The following RAB11FIP3 variants were observed in gnomAD, a reference collection of about 807,000 sequenced individuals.
RAB11FIP3 encodes the protein RAB11 family interacting protein 3, also known as rab11 family-interacting protein 3.
A neutral mutation model predicts 77.8 loss-of-function variants in RAB11FIP3; 17 were observed. That is an observed-to-expected ratio of 0.22 (90% CI 0.15 to 0.33). RAB11FIP3 has a LOEUF of 0.33. RAB11FIP3 is among the 10% of genes least tolerant of loss of function. The pLI, the probability that RAB11FIP3 is intolerant of heterozygous loss-of-function variation, is 1.00. For missense variants in RAB11FIP3, 1,005 were observed against 1,011.2 expected (o/e 0.99, Z 0.08); for synonymous variants, 437 against 448.2 (o/e 0.98, Z 0.31).
intron 1 of RAB11FIP3, among the ~76,000 whole-genome samples, chr16:445,596 A>T (rs968855252): frequency 6.6e-6 from 1 of 151,896 alleles, no homozygotes; most frequent in Non-Finnish European, 1.5e-5. Context: ...GTATGGGGGG[A>T]TGAGAATCTG....
intron 1 of RAB11FIP3, among the ~76,000 whole-genome samples, chr16:460,603 G>T (rs1186070985): frequency 1.3e-5 from 2 of 152,042 alleles, no homozygotes; most frequent in African/African-American, 4.8e-5. Context: ...TATGATTTTT[G>T]ATATCAAGGG....
At chr16:456,468 A>G (rs1031314292) in intron 1 of RAB11FIP3, among the ~76,000 whole-genome samples, 2 of 148,888 alleles carry the variant, frequency 1.3e-5, no homozygotes, top group Non-Finnish European at 3.0e-5. Flanking sequence ...AGAAAAAGAA[A>G]AACAAGGCTG....
rs1465727479 is a variant in RAB11FIP3 at position 521,108 on chromosome 16, C to T, written c.*269C>T. The T allele has an allele frequency of 3.7e-6, 2 of 534,376 alleles. No individual in the cohort carries two copies. The highest frequency in any genetic ancestry group is 3.1e-5 in the Admixed American group (1 of 31,856). The allele number at this position is 534,376 out of a possible 1,614,324, so 33.1% of individuals were successfully genotyped here. On this transcript the variant is annotated 3_prime_UTR_variant, in exon 14 of 14. Transcript: ENST00000262305. ...GGCAGGGCCGTCCATCAGCGCTGAC[C>T]TTCCGGGGGCCCAGAGCTTCCCAGC...
At chr16:448,869 C>T (rs775598597) in intron 1 of RAB11FIP3, among the ~76,000 whole-genome samples, 4 of 151,216 alleles carry the variant, frequency 2.6e-5, no homozygotes, top group Non-Finnish European at 4.4e-5. Context: ...GAGCCAAGAT[C>T]GCACCACTGC....
intron 12 of RAB11FIP3, 37 bp from the exon 13 acceptor site, chr16:520,422 G>A: frequency 6.2e-7 from 1 of 1,608,690 alleles, no homozygotes; most frequent in East Asian, 2.2e-5. Context: ...CCACCAGCAG[G>A]GGCCACAGCC....
intron 1 of RAB11FIP3, among the ~76,000 whole-genome samples, chr16:440,897 C>T (rs989495421): frequency 2.6e-5 from 4 of 152,056 alleles, no homozygotes; most frequent in African/African-American, 9.7e-5. Context: ...CTTGCTCCTT[C>T]AGCCCTCCTC....
At chr16:475,256 G>C (rs186975483) in intron 3 of RAB11FIP3, among the ~76,000 whole-genome samples, 15 of 152,340 alleles carry the variant, frequency 9.8e-5, no homozygotes, top group African/African-American at 3.4e-4. Flanking sequence ...GTGATTTAGG[G>C]GACTTGTTAA....
rs1432557853 is a variant in RAB11FIP3, at chr16:428,818, CTT to C, written c.714+2100_714+2101del. On this transcript the variant is annotated intron_variant, in intron 1 of 13. Coordinates refer to ENST00000262305, the MANE Select transcript of RAB11FIP3 (RefSeq NM_014700.4). ...CCCTTAATGATCACAATGGGAAAAA[CTT>C]TGTGTTGCTATTTGGGGCTGAGCTT... Among the ~76,000 whole-genome samples the C allele has an allele frequency of 5.3e-5, 8 of 152,192 alleles. No homozygotes were observed. The East Asian group carries it at 1.5e-3, about 29-fold the overall frequency.
In RAB11FIP3 at chr16:425,970, C is replaced by T. The variant is rs1376711381; in HGVS notation, c.-37C>T. 4.9e-5 allele frequency: 37 copies of T among 752,600 alleles called. No homozygotes were observed. The highest frequency in any genetic ancestry group is 5.1e-5 in the Non-Finnish European group (35 of 685,760). 46.6% of individuals were successfully genotyped at this position (752,600 alleles called of 1,614,324 possible). Reference sequence around the variant, plus strand: ...CCGCGCCCTGAGCGCCTTTGTCTGCCGCCCGCGCCCTTCCGCACCACTAGC... The same window carrying T: ...CCGCGCCCTGAGCGCCTTTGTCTGCTGCCCGCGCCCTTCCGCACCACTAGC... On this transcript the variant is annotated 5_prime_UTR_variant, in exon 1 of 14. Coordinates refer to ENST00000262305, the MANE Select transcript of RAB11FIP3 (RefSeq NM_014700.4).
Position 519,779 on chromosome 16 carries a change from T to A in RAB11FIP3, c.1748T>A (p.Ile583Lys). Residue 583 changes from isoleucine to lysine, a missense_variant, in exon 11 of 14, where the codon ATA becomes AAA. This residue lies in a region of RAB11FIP3 where 433 missense variants were observed against 436.1 expected (regional missense o/e 0.99). Coordinates refer to ENST00000262305, the MANE Select transcript of RAB11FIP3 (RefSeq NM_014700.4). ...GAGAAGCAGAAGCTGTTGGATGAGATAGAGTCGCTGACGCTGCGGCTCAGT... is the reference window on the plus strand; with the variant it reads ...GAGAAGCAGAAGCTGTTGGATGAGAAAGAGTCGCTGACGCTGCGGCTCAGT... ...EEEKQKLLDE[I>K]ESLTLRLSEE... 2 of 1,612,578 alleles carry A rather than the reference T, an allele frequency of 1.2e-6. No individual in the cohort carries two copies. Among genetic ancestry groups the A allele is most frequent in the Non-Finnish European group, 1.7e-6 (2 of 1,179,642 alleles).
intron 1 of RAB11FIP3, among the ~76,000 whole-genome samples, chr16:452,025 T>C (rs2055416953): frequency 6.6e-6 from 1 of 152,092 alleles, no homozygotes; most frequent in Admixed American, 6.6e-5. Context: ...GGCAGGCGCC[T>C]GTAATCCCAG....
At position 461,519 on chromosome 16, in the gene RAB11FIP3, C is replaced by T. The variant is rs771354809; in HGVS notation, c.808+22C>T. ...GGAGGTCAGTCATCCCCGCCATGAGCTCCCACCTCCTCTCCCGTTCCTCAG... is the reference window on the plus strand; with the variant it reads ...GGAGGTCAGTCATCCCCGCCATGAGTTCCCACCTCCTCTCCCGTTCCTCAG... On this transcript the variant is annotated intron_variant, in intron 2 of 13. Transcript: ENST00000262305. This position sits in a 1 kb window ranked among gnomAD's most constrained non-coding sequence, Gnocchi z 4.5. 4.4e-6 allele frequency: 7 copies of T among 1,590,942 alleles called. 1 individual carries two copies. The South Asian group carries it at 4.4e-5, about 10-fold the overall frequency.
chr16:493,880 T>C lies in RAB11FIP3; in HGVS notation c.1266-2944T>C, dbSNP rs541730352. Among the ~76,000 whole-genome samples, 74 of 136,718 alleles carry C rather than the reference T, an allele frequency of 5.4e-4. 2 individuals carry two copies. In the South Asian group the frequency reaches 8.6e-3, roughly 16 times the overall value. 89.7% of individuals were successfully genotyped at this position (136,718 alleles called of 152,430 possible). A position where few individuals can be genotyped will look rare whatever the true frequency, so the allele number is the denominator to read the frequency against. ...GTGCTGGGATTACAGGCTGAGCCAC[T>C]GCACCCAGCCTGCCTGGAGGTATAT... On this transcript the variant is annotated intron_variant, in intron 5 of 13. Transcript: ENST00000262305.
Position 506,500 on chromosome 16 carries a change from C to T in RAB11FIP3, c.1499+873C>T, listed in dbSNP as rs2031881833. On this transcript the variant is annotated intron_variant, in intron 8 of 13. Coordinates refer to ENST00000262305, the MANE Select transcript of RAB11FIP3 (RefSeq NM_014700.4). The surrounding 1 kb of genome is among the most constrained non-coding windows in gnomAD (Gnocchi z 4.5). ...CACATATTCTCAGCTCGGCCAAGGG[C>T]CCTGTCCCTTGAAGCTTCAGTGTCT... Among the ~76,000 whole-genome samples, 1 of 152,136 alleles carries T rather than the reference C, an allele frequency of 6.6e-6. No individual in the cohort carries two copies. The highest frequency in any genetic ancestry group is 2.4e-5 in the African/African-American group (1 of 41,434).
At chr16:494,253 C>T (rs1016673938) in intron 5 of RAB11FIP3, among the ~76,000 whole-genome samples, 1 of 151,288 alleles carries the variant, frequency 6.6e-6, no homozygotes, top group African/African-American at 2.4e-5. Flanking sequence ...CCTGAAAGGT[C>T]AGTAGGTAAA....
At chr16:427,010 G>T (rs1382145797) in intron 1 of RAB11FIP3, among the ~76,000 whole-genome samples, 1 of 151,976 alleles carries the variant, frequency 6.6e-6, no homozygotes, top group African/African-American at 2.4e-5. Flanking sequence ...CTCGCCTGGG[G>T]ACACCCCCCC....
intron 1 of RAB11FIP3, among the ~76,000 whole-genome samples, chr16:451,234 C>T (rs946227893): frequency 3.2e-4 from 48 of 152,028 alleles, no homozygotes; most frequent in African/African-American, 1.0e-3. Flanking sequence ...GTACAGAGTC[C>T]GTACTGTTGT....
intron 9 of RAB11FIP3, among the ~76,000 whole-genome samples, chr16:516,448 G>A (rs1006729757): frequency 6.6e-6 from 1 of 152,190 alleles, no homozygotes; most frequent in African/African-American, 2.4e-5. Context: ...TATCTCAGAG[G>A]GACATGGGCC....
chr16:436,627 G>A (rs2055132703), intron 1 of RAB11FIP3, among the ~76,000 whole-genome samples: 1 of 152,094 alleles, frequency 6.6e-6, no homozygotes, highest in African/African-American at 2.4e-5. Flanking sequence ...GACTATAAAT[G>A]CCTGCCAGCA....
Sources: gnomAD v4.1 joint callset for allele counts (sites outside exome capture counted in the v4.1 genomes callset) on GRCh38, gnomAD v4.1.1 for gene constraint, gnomAD v4.1.1 regional missense constraint, Gnocchi (gnomAD v3.1) non-coding constraint, MANE v1.5 for transcripts, NCBI Gene and HGNC (gene_info 2026-07-23, HGNC 2026-07-21) for gene names.